The following NRXN3 variants were observed in gnomAD, a reference collection of about 807,000 sequenced individuals.
NRXN3 encodes neurexin 3, also known as neurexin III.
NRXN3 carries 32 observed loss-of-function variants against 137.6 expected under a neutral mutation model. That is an observed-to-expected ratio of 0.23 (90% CI 0.18 to 0.31). NRXN3 has a LOEUF of 0.31. NRXN3 is among the 10% of genes least tolerant of loss of function. The pLI is 1.00. For missense variants in NRXN3, 1,574 were observed against 2,062.5 expected, an observed-to-expected ratio of 0.76 and a Z score of 4.59; for synonymous variants, 798 against 784.5, an observed-to-expected ratio of 1.02 and a Z score of -0.29.
chr14:78,682,313 T>C (rs2152745522), intron 6 of NRXN3, among the ~76,000 whole-genome samples: 1 of 152,152 alleles, frequency 6.6e-6, no homozygotes, highest in South Asian at 2.1e-4. Flanking sequence ...ATTAAGACTG[T>C]CAGCATCACG....
At chr14:78,291,421 C>G (rs115720460) in intron 3 of NRXN3, among the ~76,000 whole-genome samples, 2 of 152,208 alleles carry the variant, frequency 1.3e-5, no homozygotes, top group African/African-American at 4.8e-5. Context: ...AATTCCGTCT[C>G]TTTAGTGCTT....
chr14:78,932,444 T>G (rs1367024530), intron 10 of NRXN3, among the ~76,000 whole-genome samples: 1 of 152,164 alleles, frequency 6.6e-6, no homozygotes, highest in Non-Finnish European at 1.5e-5. Flanking sequence ...TTAGAAGAAA[T>G]TCTGAAGGAT....
Position 78,768,396 on chromosome 14 carries a change from T to C in NRXN3, c.2045-35224T>C, listed in dbSNP as rs916593987. Among the ~76,000 whole-genome samples, 12 of 152,316 alleles carry C rather than the reference T, an allele frequency of 7.9e-5. No homozygotes were observed. The East Asian group carries it at 2.1e-3, about 27-fold the overall frequency. On this transcript the variant is annotated intron_variant, in intron 8 of 20. Coordinates refer to ENST00000335750, the MANE Select transcript of NRXN3 (RefSeq NM_001330195.2). ...TGCACATGAGAGAGTTCTTATAAGA[T>C]GGAAGAGACATACTATTGATCTAAG...
Position 78,751,283 on chromosome 14 carries a change from C to T in NRXN3, c.2044+36144C>T, listed in dbSNP as rs189148124. On this transcript the variant is annotated intron_variant, in intron 8 of 20. Transcript: ENST00000335750. Reference sequence around the variant, plus strand: ...CAATTCAGCTACCCTCATAGCATCCCCGATGTTCCGAAGAAAGGAAGCAGA... The same window carrying T: ...CAATTCAGCTACCCTCATAGCATCCTCGATGTTCCGAAGAAAGGAAGCAGA... 5.7e-4 allele frequency among the ~76,000 whole-genome samples: 87 copies of T among 152,240 alleles called. 1 individual carries two copies. Among genetic ancestry groups the T allele is most frequent in the South Asian group, 1.7e-3 (8 of 4,806 alleles).
intron 4 of NRXN3, among the ~76,000 whole-genome samples, chr14:78,400,538 G>A (rs753513558): frequency 3.9e-5 from 6 of 152,194 alleles, no homozygotes; most frequent in Non-Finnish European, 8.8e-5. Flanking sequence ...AAATACATGG[G>A]CCTGAGAATC....
chr14:79,308,048 T>A (rs1598515033), intron 15 of NRXN3, among the ~76,000 whole-genome samples: 1 of 152,108 alleles, frequency 6.6e-6, no homozygotes, highest in Admixed American at 6.6e-5. Context: ...CTCTGTGTCC[T>A]AATCACCTCT....
chr14:78,198,933 A>G (rs2061445775), intron 1 of NRXN3, among the ~76,000 whole-genome samples: 1 of 152,188 alleles, frequency 6.6e-6, no homozygotes, highest in African/African-American at 2.4e-5. Flanking sequence ...AGGGCCAGCT[A>G]ATGGGCATGT....
chr14:78,798,879 A>G (rs1043421450), intron 8 of NRXN3, among the ~76,000 whole-genome samples: 1 of 152,204 alleles, frequency 6.6e-6, no homozygotes, highest in African/African-American at 2.4e-5. Context: ...TTTTAGCCAT[A>G]GCGTGAGTGG....
chr14:79,700,881 G>A (rs892067579), intron 19 of NRXN3, among the ~76,000 whole-genome samples: 1 of 152,044 alleles, frequency 6.6e-6, no homozygotes, highest in African/African-American at 2.4e-5. Flanking sequence ...ATCCTACATT[G>A]AGAAGGATAG....
At chr14:79,217,284 C>T (rs905235802) in intron 15 of NRXN3, among the ~76,000 whole-genome samples, 13 of 152,116 alleles carry the variant, frequency 8.5e-5, no homozygotes, top group Non-Finnish European at 1.8e-4. Flanking sequence ...GAAGCAGGAA[C>T]AGCACATCAC....
intron 10 of NRXN3, among the ~76,000 whole-genome samples, chr14:78,893,913 A>G (rs997089145): frequency 3.9e-5 from 6 of 151,996 alleles, no homozygotes; most frequent in Non-Finnish European, 8.8e-5. Context: ...TTTACTCTAT[A>G]GTCTATTAAG....
At chr14:78,731,989 C>G (rs921071906) in intron 8 of NRXN3, among the ~76,000 whole-genome samples, 4 of 23,226 alleles carry the variant, frequency 1.7e-4, no homozygotes, top group Middle Eastern at 0.056. Flanking sequence ...TGGCTCTGTT[C>G]CAAGCTGTGG....
At chr14:78,271,604 G>A (rs555977686) in intron 2 of NRXN3, among the ~76,000 whole-genome samples, 6 of 152,280 alleles carry the variant, frequency 3.9e-5, no homozygotes, top group South Asian at 2.1e-4. Flanking sequence ...GTATGTGAGA[G>A]CCCCTGAAGG....
At chr14:79,233,497 T>C (rs2072632973) in intron 15 of NRXN3, among the ~76,000 whole-genome samples, 1 of 152,120 alleles carries the variant, frequency 6.6e-6, no homozygotes, top group Non-Finnish European at 1.5e-5. Context: ...TTGACACAGA[T>C]AAACCTACTG....
In NRXN3 at chr14:78,405,614, G is replaced by GGGA. The variant is rs386381906; in HGVS notation, c.757+107756_757+107757insAGG. On this transcript the variant is annotated intron_variant, in intron 4 of 20. Coordinates refer to ENST00000335750, the MANE Select transcript of NRXN3 (RefSeq NM_001330195.2). ...TTAGAGTGGATGCTGGGGAAGGGGC[G>GGGA]GGGGGGTTCCGGGTATCTGATGAAT... Among the ~76,000 whole-genome samples the GGGA allele has an allele frequency of 1.4e-4, 5 of 34,522 alleles. 1 individual carries two copies. Among genetic ancestry groups the GGGA allele is most frequent in the South Asian group, 2.4e-3 (2 of 824 alleles). The allele number at this position is 34,522 out of a possible 152,430, so 22.6% of individuals were successfully genotyped here.
chr14:78,709,474 G>A lies in NRXN3; in HGVS notation c.1479G>A (p.Glu493=), dbSNP rs758464183. The A allele has an allele frequency of 9.3e-6, 15 of 1,614,144 alleles. No homozygotes were observed. Among genetic ancestry groups the A allele is most frequent in the Non-Finnish European group, 1.3e-5 (15 of 1,180,024 alleles). ...TCTTCACTCATGGAAAGCCCCAAGA[G>A]AGGAAGGATGCTCGGAGCCAGAAGA... ...LILFTHGKPQ[E]RKDARSQKNT... Residue 493 remains glutamate (E), a synonymous_variant, in exon 7 of 21, where the codon GAG becomes GAA. Transcript: ENST00000335750.
chr14:79,476,319 A>G (rs1482653106), intron 16 of NRXN3, among the ~76,000 whole-genome samples: 2 of 152,036 alleles, frequency 1.3e-5, no homozygotes, highest in Admixed American at 6.6e-5. Flanking sequence ...GTATAACTAC[A>G]TTAGCCTCAC....
At chr14:79,357,933 C>A (rs992230130) in intron 15 of NRXN3, among the ~76,000 whole-genome samples, 2 of 152,084 alleles carry the variant, frequency 1.3e-5, no homozygotes, top group African/African-American at 2.4e-5. Context: ...TTTGCTCAGT[C>A]AGCATAGGAA....
intron 15 of NRXN3, among the ~76,000 whole-genome samples, chr14:79,126,751 C>T (rs1209745798): frequency 6.6e-6 from 1 of 152,158 alleles, no homozygotes; most frequent in Non-Finnish European, 1.5e-5. Context: ...AATCGCCACA[C>T]TGACTTCCAC....
Sources: allele counts gnomAD v4.1 joint callset (sites outside exome capture counted in the v4.1 genomes callset), GRCh38; gene constraint gnomAD v4.1.1; transcripts MANE v1.5; gene names NCBI Gene and HGNC (gene_info 2026-07-23, HGNC 2026-07-21).